Variants in SV2C observed in about 807,000 individuals in gnomAD.
SV2C encodes solute carrier family 22 member B3.
Under a neutral mutation model 79.7 loss-of-function variants are expected in SV2C, and 49 were observed. The observed-to-expected ratio is 0.61, with a 90% CI of 0.49 to 0.78. SV2C has a LOEUF of 0.78. Among genes scored for constraint, SV2C ranks in the 30% least tolerant of loss-of-function variants. The probability of loss-of-function intolerance (pLI) is 0.00; values close to 1 mark genes in which losing one functional copy is unlikely to be tolerated. For synonymous variants in SV2C, 334 were observed against 333.2 expected (o/e 1.00, Z -0.03); for missense variants, 833 against 912.9 (o/e 0.91, Z 1.13).
chr5:76,309,176 C>T (rs961925534), intron 12 of SV2C, among the ~76,000 whole-genome samples: 2 of 152,158 alleles, frequency 1.3e-5, no homozygotes, highest in African/African-American at 4.8e-5. Context: ...GACTCTTTCA[C>T]ATTGCCTTAT....
chr5:76,092,382 G>A (rs923309963), intron 1 of SV2C, among the ~76,000 whole-genome samples: 1 of 152,140 alleles, frequency 6.6e-6, no homozygotes, highest in Non-Finnish European at 1.5e-5. Context: ...TTTTCTCATG[G>A]ATCTTTTTCC....
chr5:76,314,585 G>A (rs1170343360), intron 12 of SV2C, among the ~76,000 whole-genome samples: 2 of 152,154 alleles, frequency 1.3e-5, no homozygotes, highest in African/African-American at 4.8e-5. Flanking sequence ...GGTGGGTCGG[G>A]CATGATGCTG....
At chr5:76,287,563 C>T (rs1204394798) in intron 6 of SV2C, among the ~76,000 whole-genome samples, 2 of 152,008 alleles carry the variant, frequency 1.3e-5, no homozygotes, top group Non-Finnish European at 2.9e-5. Context: ...TTATAGTTCC[C>T]CTCTCTCTGC....
At position 76,154,030 on chromosome 5, in the gene SV2C, G is replaced by A. The variant is rs115022633; in HGVS notation, c.580+21700G>A. 5.9e-3 allele frequency among the ~76,000 whole-genome samples: 905 copies of A among 152,276 alleles called. 9 individuals are homozygous for A. Among genetic ancestry groups the A allele is most frequent in the African/African-American group, 0.021 (868 of 41,548 alleles). ...CATCAGTGACCTGTTAGTAGTCATG[G>A]ACTACAAGGTAAAGAAAGCATGGAC... On this transcript the variant is annotated intron_variant, in intron 2 of 12. Coordinates refer to ENST00000502798, the MANE Select transcript of SV2C (RefSeq NM_014979.4).
intron 2 of SV2C, among the ~76,000 whole-genome samples, chr5:76,143,184 A>T (rs6886779): frequency 6.6e-6 from 1 of 151,806 alleles, no homozygotes; most frequent in Non-Finnish European, 1.5e-5. Context: ...GTGAGCCACC[A>T]CGCCTGGCTG....
chr5:76,183,264 G>T (rs1381541450), intron 2 of SV2C, among the ~76,000 whole-genome samples: 1 of 151,468 alleles, frequency 6.6e-6, no homozygotes, highest in Non-Finnish European at 1.5e-5. Flanking sequence ...ACCTCAGGTG[G>T]TCTGCCCGCC....
chr5:76,135,394 A>T (rs1038695176), intron 2 of SV2C, among the ~76,000 whole-genome samples: 2 of 152,086 alleles, frequency 1.3e-5, no homozygotes, highest in Admixed American at 6.5e-5. Flanking sequence ...TGAGGGAGAG[A>T]ATGGTTTCCC....
At chr5:76,123,236 T>C (rs1310145402) in intron 1 of SV2C, among the ~76,000 whole-genome samples, 1 of 152,140 alleles carries the variant, frequency 6.6e-6, no homozygotes, top group Non-Finnish European at 1.5e-5. Context: ...CAATAATCAA[T>C]AGCTTACCAA....
chr5:75,904,715 C>A, the SV2C span, among the ~76,000 whole-genome samples: 1 of 152,236 alleles, frequency 6.6e-6, no homozygotes, highest in Non-Finnish European at 1.5e-5. Flanking sequence ...TCCCATCTGT[C>A]ATCCTAACTC....
At chr5:75,921,008 C>A in the SV2C span, 2 of 708,682 alleles carry the variant, frequency 2.8e-6, no homozygotes, top group Non-Finnish European at 2.6e-6. Flanking sequence ...CGAGTCCTCG[C>A]GGTAGTTCTC....
At chr5:75,878,933 G>A in the SV2C span, among the ~76,000 whole-genome samples, 4 of 152,200 alleles carry the variant, frequency 2.6e-5, no homozygotes, top group African/African-American at 7.2e-5. Flanking sequence ...GAGGACCTCA[G>A]TAAGCTTACA....
At chr5:76,288,083 C>CAAAAAAAAAAAAAAAAAAAAAAAACAA (rs36124813) in intron 6 of SV2C, among the ~76,000 whole-genome samples, 1 of 82,590 alleles carries the variant, frequency 1.2e-5, no homozygotes, top group Non-Finnish European at 2.6e-5. Flanking sequence ...GACTCCATCT[C>CAAAAAAAAAAAAAAAAAAAAAAAACAA]AAAAAAAAAA....
At chr5:76,082,684 A>G (rs1388366941), upstream of SV2C, among the ~76,000 whole-genome samples, 1 of 144,714 alleles carries the variant, frequency 6.9e-6, no homozygotes, top group Non-Finnish European at 1.5e-5. Flanking sequence ...GCCACTTTCA[A>G]TATCTGCCTG....
chr5:75,984,400 CCTAAT>C, the SV2C span, among the ~76,000 whole-genome samples: 5 of 152,160 alleles, frequency 3.3e-5, no homozygotes, highest in South Asian at 1.0e-3. Context: ...TATCAAATGA[CCTAAT>C]ATAAATCTTG....
chr5:76,316,437 T>C (rs2913258), intron 12 of SV2C, among the ~76,000 whole-genome samples: 13,997 of 152,184 alleles, frequency 0.092, 702 homozygotes, highest in Admixed American at 0.14. Flanking sequence ...GGCATCAGTA[T>C]TGAACACATC....
the SV2C span, among the ~76,000 whole-genome samples, chr5:75,877,559 A>G: frequency 2.0e-5 from 3 of 151,420 alleles, no homozygotes; most frequent in Non-Finnish European, 2.9e-5. Flanking sequence ...TACAAAGTAT[A>G]TTATCTGATC....
At chr5:76,214,871 A>G (rs1341255755) in intron 4 of SV2C, among the ~76,000 whole-genome samples, 1 of 152,150 alleles carries the variant, frequency 6.6e-6, no homozygotes, top group African/African-American at 2.4e-5. Flanking sequence ...TTGATTTTGT[A>G]TGCTGTCACG....
chr5:76,018,932 T>C, the SV2C span, among the ~76,000 whole-genome samples: 1 of 152,172 alleles, frequency 6.6e-6, no homozygotes, highest in Admixed American at 6.5e-5. Context: ...AAACGTAACC[T>C]GAAATGGGAA....
the SV2C span, among the ~76,000 whole-genome samples, chr5:76,001,022 A>AG: frequency 6.6e-6 from 1 of 151,678 alleles, no homozygotes; most frequent in Non-Finnish European, 1.5e-5. Flanking sequence ...AAAAAAAAAA[A>AG]CTAACACCTG....
Sources: gnomAD v4.1 joint callset for allele counts (sites outside exome capture counted in the v4.1 genomes callset) on GRCh38, gnomAD v4.1.1 for gene constraint, MANE v1.5 for transcripts, NCBI Gene and HGNC (gene_info 2026-07-23, HGNC 2026-07-21) for gene names.